Variants in MVB12B observed in about 807,000 individuals in gnomAD.
MVB12B encodes ESCRT-I complex subunit MVB12B.
In MVB12B, 16 loss-of-function variants were observed where a neutral mutation model predicts 41.6. The ratio of observed to expected loss-of-function variants is 0.38; its 90% CI spans 0.26 to 0.58. MVB12B has a LOEUF of 0.58. Among genes scored for constraint, MVB12B ranks in the 20% least tolerant of loss-of-function variants. The probability of loss-of-function intolerance (pLI) is 0.62; values close to 1 mark genes in which losing one functional copy is unlikely to be tolerated. For synonymous variants in MVB12B, 133 were observed against 139.7 expected (o/e 0.95, Z 0.34); for missense variants, 274 against 380.2 (o/e 0.72, Z 2.32).
intron 1 of MVB12B, among the ~76,000 whole-genome samples, chr9:126,338,757 C>G (rs1456510905): frequency 1.3e-5 from 2 of 152,168 alleles, no homozygotes; most frequent in African/African-American, 4.8e-5. Flanking sequence ...ACCAATACTA[C>G]GGGATTTTTC....
intron 6 of MVB12B, among the ~76,000 whole-genome samples, chr9:126,401,432 C>G (rs1564311126): frequency 6.6e-6 from 1 of 152,258 alleles, no homozygotes; most frequent in East Asian, 1.9e-4. Flanking sequence ...TGTTATCAAT[C>G]TGTGACAGAT....
rs923092085 is a variant in MVB12B at position 126,486,335 on chromosome 9, C to T, written c.873+2303C>T. Among the ~76,000 whole-genome samples the T allele has an allele frequency of 2.0e-5, 3 of 152,160 alleles. No homozygotes were observed. Among genetic ancestry groups the T allele is most frequent in the Non-Finnish European group, 4.4e-5 (3 of 68,022 alleles). ...TTATGGACAGCCCATTTGCATGGGG[C>T]CCTGCGTGTGGTGCAGCCCAGGGTA... On this transcript the variant is annotated intron_variant, in intron 9 of 9. Transcript: ENST00000361171. This position sits in a 1 kb window ranked among gnomAD's most constrained non-coding sequence, Gnocchi z 4.7.
At position 126,504,401 on chromosome 9, in the gene MVB12B, C is replaced by G. The variant is rs1834024854; in HGVS notation, c.*1138C>G. The G allele has an allele frequency of 6.6e-6, 1 of 152,320 alleles. No individual in the cohort carries two copies. The highest frequency in any genetic ancestry group is 2.4e-5 in the African/African-American group (1 of 41,472). The allele number at this position is 152,320 out of a possible 1,614,324, so 9.4% of individuals were successfully genotyped here. On this transcript the variant is annotated 3_prime_UTR_variant, in exon 10 of 10. Coordinates refer to ENST00000361171, the MANE Select transcript of MVB12B (RefSeq NM_033446.3). ...TGTGGTGTCAGGCACTGGGCTGTGTCCTGATTCCTCAGAGTATGGGGACCT... is the reference window on the plus strand; with the variant it reads ...TGTGGTGTCAGGCACTGGGCTGTGTGCTGATTCCTCAGAGTATGGGGACCT...
chr9:126,398,281 A>C (rs10739671), intron 6 of MVB12B, among the ~76,000 whole-genome samples: 1 of 151,524 alleles, frequency 6.6e-6, no homozygotes, highest in Admixed American at 6.6e-5. Flanking sequence ...CCCAGCGCCT[A>C]CCTGAATCCA....
rs550482501 is a variant in MVB12B, at chr9:126,448,561, C to T, written c.757+26613C>T. Among the ~76,000 whole-genome samples the T allele has an allele frequency of 2.6e-5, 4 of 152,332 alleles. No homozygotes were observed. The South Asian group carries it at 6.2e-4, about 24-fold the overall frequency. On this transcript the variant is annotated intron_variant, in intron 7 of 9. Transcript: ENST00000361171. The stretch of plus-strand genomic sequence containing the variant: ...AAAGAAAAGAGGTTTAATTGACTCA[C>T]GGTTCTGCAGACTATATAGGAAGCT...
chr9:126,484,107 C>T (rs1049376514), intron 9 of MVB12B, 75 bp downstream of exon 9: 1 of 1,399,458 alleles, frequency 7.1e-7, no homozygotes, highest in Non-Finnish European at 1.0e-6. Context: ...GTGTGTTCCC[C>T]TAGGGATCCA....
intron 1 of MVB12B, among the ~76,000 whole-genome samples, chr9:126,332,485 C>T (rs1416289754): frequency 1.3e-5 from 2 of 152,202 alleles, no homozygotes; most frequent in East Asian, 1.9e-4. Context: ...CCCTGACAGG[C>T]CCACATCCAG....
chr9:126,470,074 A>G (rs866163331), intron 7 of MVB12B, among the ~76,000 whole-genome samples: 1 of 152,198 alleles, frequency 6.6e-6, no homozygotes, highest in Admixed American at 6.5e-5. Flanking sequence ...TGGTATTAGT[A>G]TTAGTGAGTA....
intron 3 of MVB12B, among the ~76,000 whole-genome samples, chr9:126,381,841 C>G (rs896152994): frequency 6.6e-5 from 10 of 151,764 alleles, no homozygotes; most frequent in African/African-American, 2.2e-4. Context: ...CCCTGGGCAC[C>G]TCATTCTGTC....
At position 126,478,994 on chromosome 9, in the gene MVB12B, C is replaced by T. The variant is rs1833471672; in HGVS notation, c.758-2375C>T. 1.3e-5 allele frequency among the ~76,000 whole-genome samples: 2 copies of T among 152,152 alleles called. No homozygotes were observed. The highest frequency in any genetic ancestry group is 4.8e-5 in the African/African-American group (2 of 41,428). The stretch of plus-strand genomic sequence containing the variant: ...TTCTGCAGGGGAGCAATTGCCAGGG[C>T]CTGTGCACAGTACCTGGGCGTGCAG... On this transcript the variant is annotated intron_variant, in intron 7 of 9. Transcript: ENST00000361171. The surrounding 1 kb of genome is among the most constrained non-coding windows in gnomAD (Gnocchi z 4.2).
At chr9:126,342,871 G>C (rs952252607) in intron 2 of MVB12B, among the ~76,000 whole-genome samples, 1 of 152,242 alleles carries the variant, frequency 6.6e-6, no homozygotes. Flanking sequence ...GAGATGCTTA[G>C]ACAGAACTCC....
chr9:126,471,283 T>C (rs1476675442), intron 7 of MVB12B, among the ~76,000 whole-genome samples: 1 of 152,116 alleles, frequency 6.6e-6, no homozygotes, highest in Non-Finnish European at 1.5e-5. Flanking sequence ...CAGATGAAAA[T>C]CTGACTCTGA....
intron 7 of MVB12B, among the ~76,000 whole-genome samples, chr9:126,441,073 C>T (rs1832627429): frequency 6.6e-6 from 1 of 152,208 alleles, no homozygotes; most frequent in African/African-American, 2.4e-5. Context: ...CGATGCAGCC[C>T]TCATTAGTCA....
intron 9 of MVB12B, among the ~76,000 whole-genome samples, chr9:126,502,317 C>G (rs1216473803): frequency 6.8e-6 from 1 of 148,118 alleles, no homozygotes; most frequent in African/African-American, 2.5e-5. Context: ...GCCCACATGC[C>G]CTGCCTTATG....
rs1297176176 is a variant in MVB12B at position 126,445,327 on chromosome 9, G to C, written c.757+23379G>C. 2.6e-5 allele frequency among the ~76,000 whole-genome samples: 4 copies of C among 152,000 alleles called. No homozygotes were observed. In the East Asian group the frequency reaches 5.8e-4, roughly 22 times the overall value. ...TGGTTTTTGTTTTGTTTCTTTTTGAGACAGGGACTCACTCTGTCACCCAGG... is the reference window on the plus strand; with the variant it reads ...TGGTTTTTGTTTTGTTTCTTTTTGACACAGGGACTCACTCTGTCACCCAGG... On this transcript the variant is annotated intron_variant, in intron 7 of 9. Transcript: ENST00000361171.
At chr9:126,355,765 C>A (rs929715602) in intron 2 of MVB12B, among the ~76,000 whole-genome samples, 1 of 152,166 alleles carries the variant, frequency 6.6e-6, no homozygotes, top group Admixed American at 6.5e-5. Context: ...TTGAAGTTAG[C>A]AAATTGTTGA....
At chr9:126,360,781 G>A (rs1018566349) in intron 2 of MVB12B, among the ~76,000 whole-genome samples, 1 of 152,136 alleles carries the variant, frequency 6.6e-6, no homozygotes. Flanking sequence ...AAACATTAAG[G>A]AATGATATGT....
chr9:126,370,783 C>G (rs1421802218), intron 2 of MVB12B, among the ~76,000 whole-genome samples: 1 of 152,092 alleles, frequency 6.6e-6, no homozygotes, highest in African/African-American at 2.4e-5. Context: ...TTGTGTCTTA[C>G]AAAGGATCCC....
chr9:126,497,234 AC>A (rs1172651449), intron 9 of MVB12B, among the ~76,000 whole-genome samples: 2 of 151,752 alleles, frequency 1.3e-5, no homozygotes, highest in Admixed American at 1.3e-4. Context: ...CCCTTATTGC[AC>A]CCCCTGGTTT....
Sources: allele counts gnomAD v4.1 joint callset (sites outside exome capture counted in the v4.1 genomes callset), GRCh38; gene constraint gnomAD v4.1.1; non-coding constraint Gnocchi (gnomAD v3.1); transcripts MANE v1.5; gene names NCBI Gene and HGNC (gene_info 2026-07-23, HGNC 2026-07-21).